The following ARFGEF2 variants were observed in gnomAD, a reference collection of about 807,000 sequenced individuals.
ARFGEF2 encodes brefeldin A-inhibited guanine nucleotide-exchange protein 2.
ARFGEF2 carries 74 observed loss-of-function variants against 219.9 expected under a neutral mutation model. That is an observed-to-expected ratio of 0.34 (90% CI 0.28 to 0.41). The LOEUF is 0.41. Ranked by LOEUF, ARFGEF2 falls within the 10% of genes least tolerant of loss-of-function variation. ARFGEF2 has a pLI of 1.00. For synonymous variants in ARFGEF2, 733 were observed against 799.2 expected (o/e 0.92, Z 1.40); for missense variants, 1,743 against 2,218.3 (o/e 0.79, Z 4.30).
At position 48,921,898 on chromosome 20, in the gene ARFGEF2, G is replaced by C. The variant is rs1276866521; in HGVS notation, c.9G>C (p.Glu3Asp). Residue 3 changes from glutamate (E) to aspartate (D), a missense_variant, in exon 1 of 39, where the codon GAG (glutamate) becomes GAC (aspartate). Glu to Asp is a conservative substitution (Grantham distance 45, BLOSUM62 2). This residue lies in a region of ARFGEF2 where 394 missense variants were observed against 426.6 expected (regional missense o/e 0.92). Transcript: ENST00000371917. ...CCCGCCGGGCCGGGGCCATGCAGGA[G>C]AGCCAGACCAAGAGCATGTTCGTGT... MQ[E>D]SQTKSMFVSR... 1 of 1,550,088 alleles carries C rather than the reference G, an allele frequency of 6.5e-7. No individual in the cohort carries two copies. Among genetic ancestry groups the C allele is most frequent in the South Asian group, 1.2e-5 (1 of 83,994 alleles).
At chr20:48,976,584 G>C (rs2091263504) in intron 14 of ARFGEF2, among the ~76,000 whole-genome samples, 1 of 152,164 alleles carries the variant, frequency 6.6e-6, no homozygotes, top group African/African-American at 2.4e-5. Context: ...TGAGGCAGGT[G>C]GATCATGAGG....
At chr20:49,027,548 TAGTG>T (rs1347230487) in intron 36 of ARFGEF2, among the ~76,000 whole-genome samples, 14 of 151,322 alleles carry the variant, frequency 9.3e-5, no homozygotes, top group African/African-American at 3.2e-4. Flanking sequence ...ATACAAAAAT[TAGTG>T]AGGCGTGGTG....
At position 48,973,291 on chromosome 20, in the gene ARFGEF2, A is replaced by C. The variant is rs1465936788; in HGVS notation, c.1665+7A>C. 5 of 1,613,998 alleles carry C rather than the reference A, an allele frequency of 3.1e-6. No homozygotes were observed. In the East Asian group the frequency reaches 8.9e-5, roughly 29 times the overall value. On this transcript the variant is annotated splice_region_variant and intron_variant, in intron 12 of 38. Coordinates refer to ENST00000371917, the MANE Select transcript of ARFGEF2 (RefSeq NM_006420.3). ...GGGAATGACACCTCTGCAGGTAAAA[A>C]CACTGTGGACACTCAATTATATTAA...
chr20:49,032,031 C>A lies in ARFGEF2; in HGVS notation c.5064-18C>A. 1 of 1,545,246 alleles carries A rather than the reference C, an allele frequency of 6.5e-7. No homozygotes were observed. ...TAATCAATTGTTTGATATGCCTCCC[C>A]CTCTCTAATTCTTCTAGTGTTTGCA... On this transcript the variant is annotated intron_variant, in intron 37 of 38. Coordinates refer to ENST00000371917, the MANE Select transcript of ARFGEF2 (RefSeq NM_006420.3).
chr20:48,989,168 C>G, intron 18 of ARFGEF2, 117 bp from the exon 19 acceptor site: 1 of 1,166,054 alleles, frequency 8.6e-7, no homozygotes, highest in Admixed American at 1.8e-5. Context: ...GTAATGGACT[C>G]ACGAGATGGT....
In ARFGEF2 at chr20:48,937,426, A is replaced by G. The variant is rs551035984; in HGVS notation, c.122-3773A>G. On this transcript the variant is annotated intron_variant, in intron 1 of 38. Coordinates refer to ENST00000371917, the MANE Select transcript of ARFGEF2 (RefSeq NM_006420.3). ...TCTTTCTTTATTTCTTTTTTATTAG[A>G]TGGACTCCAAGTCTTTTTACCATGT... Among the ~76,000 whole-genome samples, 34 of 152,156 alleles carry G rather than the reference A, an allele frequency of 2.2e-4. No homozygotes were observed. In the East Asian group the frequency reaches 6.6e-3, roughly 29 times the overall value.
chr20:48,939,927 A>G (rs1246764823), intron 1 of ARFGEF2, among the ~76,000 whole-genome samples: 1 of 152,166 alleles, frequency 6.6e-6, no homozygotes, highest in Non-Finnish European at 1.5e-5. Context: ...AGATTGTGTA[A>G]AGGAGGCTGG....
chr20:48,923,895 A>C (rs1016491086), intron 1 of ARFGEF2, among the ~76,000 whole-genome samples: 2 of 152,220 alleles, frequency 1.3e-5, no homozygotes, highest in Non-Finnish European at 2.9e-5. Context: ...CAGAAGTTCA[A>C]GTTTTCCTAA....
intron 6 of ARFGEF2, 103 bp downstream of exon 6, chr20:48,953,893 T>A: frequency 8.8e-7 from 1 of 1,133,098 alleles, no homozygotes; most frequent in South Asian, 1.3e-5. Flanking sequence ...AAACCTCTGA[T>A]AACAGCTTAT....
intron 33 of ARFGEF2, 72 bp downstream of exon 33, chr20:49,017,622 A>G (rs2091539177): frequency 3.3e-6 from 5 of 1,523,610 alleles, no homozygotes; most frequent in Non-Finnish European, 4.5e-6. Context: ...AAGCCTGTAT[A>G]GTTTGTACTT....
chr20:48,994,230 G>A (rs1188038886), intron 21 of ARFGEF2, among the ~76,000 whole-genome samples: 1 of 152,168 alleles, frequency 6.6e-6, no homozygotes, highest in African/African-American at 2.4e-5. Flanking sequence ...GGAGGTGGGG[G>A]TGACTAAATG....
At position 49,016,145 on chromosome 20, in the gene ARFGEF2, A is replaced by G. The variant is rs2091528423; in HGVS notation, c.4180-135A>G. ...GTATATCCTCTGTACATATGAATGTATTAACATTTTTAAGACGTATTCTTG... is the reference window on the plus strand; with the variant it reads ...GTATATCCTCTGTACATATGAATGTGTTAACATTTTTAAGACGTATTCTTG... On this transcript the variant is annotated intron_variant, in intron 30 of 38. Coordinates refer to ENST00000371917, the MANE Select transcript of ARFGEF2 (RefSeq NM_006420.3). 3 of 888,588 alleles carry G rather than the reference A, an allele frequency of 3.4e-6. No homozygotes were observed. The South Asian group carries it at 4.3e-5, about 13-fold the overall frequency. 55.0% of individuals were successfully genotyped at this position (888,588 alleles called of 1,614,324 possible).
chr20:48,964,941 G>A (rs781113157), intron 7 of ARFGEF2, among the ~76,000 whole-genome samples: 3 of 152,086 alleles, frequency 2.0e-5, no homozygotes, highest in Non-Finnish European at 4.4e-5. Context: ...AGTTACTTAT[G>A]TGCCCATGTC....
At chr20:48,993,289 T>C (rs1056719757) in intron 21 of ARFGEF2, among the ~76,000 whole-genome samples, 2 of 152,198 alleles carry the variant, frequency 1.3e-5, no homozygotes, top group African/African-American at 4.8e-5. Context: ...AGAAATCAGC[T>C]TGGAACTAAT....
At chr20:48,956,675 G>A (rs2091107594) in intron 6 of ARFGEF2, among the ~76,000 whole-genome samples, 1 of 152,114 alleles carries the variant, frequency 6.6e-6, no homozygotes, top group South Asian at 2.1e-4. Context: ...TGCCTCCCAG[G>A]TTCAAGTGAT....
chr20:49,024,184 C>G (rs747638439), intron 35 of ARFGEF2, among the ~76,000 whole-genome samples: 6 of 151,838 alleles, frequency 4.0e-5, no homozygotes, highest in Non-Finnish European at 8.8e-5. Flanking sequence ...TGTTGCCCAG[C>G]CTGGTCTCAA....
rs1361540625 is a variant in ARFGEF2, at chr20:49,012,197, G to A, written c.3918+113G>A. On this transcript the variant is annotated intron_variant, in intron 28 of 38. Coordinates refer to ENST00000371917, the MANE Select transcript of ARFGEF2 (RefSeq NM_006420.3). Reference sequence around the variant, plus strand: ...GCTACTCTTTTAGAAATGTGTGTTTGCCCTAAATTAGGTGTTTATTTCAAA... The same window carrying A: ...GCTACTCTTTTAGAAATGTGTGTTTACCCTAAATTAGGTGTTTATTTCAAA... The A allele has an allele frequency of 6.5e-5, 92 of 1,410,930 alleles. 1 individual carries two copies. In the South Asian group the frequency reaches 1.0e-3, roughly 16 times the overall value. 87.4% of individuals were successfully genotyped at this position (1,410,930 alleles called of 1,614,324 possible).
chr20:48,974,118 A>ATT (rs57941437), intron 12 of ARFGEF2, among the ~76,000 whole-genome samples: 22,482 of 70,246 alleles, frequency 0.32, 5,152 homozygotes, highest in Non-Finnish European at 0.38. Context: ...TTGAGTGTGA[A>ATT]TTTTTTTTTT....
intron 8 of ARFGEF2, 74 bp from the exon 9 acceptor site, chr20:48,969,073 G>A: frequency 1.3e-6 from 2 of 1,529,132 alleles, no homozygotes; most frequent in Non-Finnish European, 1.8e-6. Context: ...GGATCCTCCT[G>A]CCTCAGCCTC....
Sources: allele counts gnomAD v4.1 joint callset (sites outside exome capture counted in the v4.1 genomes callset), GRCh38; gene constraint gnomAD v4.1.1; regional missense constraint gnomAD v4.1.1; transcripts MANE v1.5; gene names NCBI Gene and HGNC (gene_info 2026-07-23, HGNC 2026-07-21).